SMC1A: variants seen among roughly 807,000 people sequenced by gnomAD.
The protein encoded by SMC1A is structural maintenance of chromosomes 1A, also known as structural maintenance of chromosomes protein 1A.
Under a neutral mutation model 94.5 loss-of-function variants are expected in SMC1A, and 4 were observed. The observed-to-expected ratio is 0.04, with a 90% CI of 0.02 to 0.10. The LOEUF is 0.10. Among genes scored for constraint, SMC1A ranks in the 10% least tolerant of loss-of-function variants. The pLI, the probability that SMC1A is intolerant of heterozygous loss-of-function variation, is 1.00. For synonymous variants in SMC1A, 345 were observed against 347.7 expected (o/e 0.99, Z 0.09); for missense variants, 304 against 989.0 (o/e 0.31, Z 9.29).
At chrX:53,420,526 A>G (rs1443630307) in intron 1 of SMC1A, among the ~76,000 whole-genome samples, 1 of 110,664 alleles carries the variant, frequency 9.0e-6, no homozygotes, top group Non-Finnish European at 1.9e-5. Flanking sequence ...TGTCTCAAAA[A>G]AAAAAAAAAA....
intron 1 of SMC1A, among the ~76,000 whole-genome samples, chrX:53,416,175 C>T (rs1404361092): frequency 5.7e-5 from 6 of 105,451 alleles, no homozygotes; most frequent in Non-Finnish European, 7.8e-5. Flanking sequence ...TGGTGGCGGG[C>T]GCCTGTAATC....
intron 19 of SMC1A, among the ~76,000 whole-genome samples, chrX:53,388,010 G>A (rs2075611975): frequency 9.0e-6 from 1 of 111,614 alleles, no homozygotes; most frequent in Admixed American, 9.6e-5. Context: ...TAAATGATGA[G>A]AGGAAGTCTC....
At chrX:53,408,960 A>G (rs1556890115) in intron 9 of SMC1A, 102 bp downstream of exon 9, 3 of 799,088 alleles carry the variant, frequency 3.8e-6, no homozygotes, top group East Asian at 6.4e-5. Context: ...TTCCCCCAAC[A>G]ATAAAAATGG....
intron 19 of SMC1A, among the ~76,000 whole-genome samples, chrX:53,386,084 A>C (rs1414179182): frequency 3.6e-5 from 4 of 112,080 alleles, no homozygotes; most frequent in Non-Finnish European, 5.6e-5. Flanking sequence ...TTCACCAATG[A>C]AATGTTCTTG....
intron 9 of SMC1A, among the ~76,000 whole-genome samples, chrX:53,408,756 TAGACATAGCA>T (rs1372844500): frequency 9.8e-6 from 1 of 102,349 alleles, no homozygotes; most frequent in East Asian, 3.0e-4. Flanking sequence ...CCCAGAGGCA[TAGACATAGCA>T]AGACAAAACC....
chrX:53,383,379 C>G, intron 19 of SMC1A, 126 bp from the exon 20 acceptor site: 1 of 618,268 alleles, frequency 1.6e-6, no homozygotes. Context: ...TTCTTCTTCT[C>G]CAGCTCGGTT....
intron 1 of SMC1A, among the ~76,000 whole-genome samples, chrX:53,419,681 G>A (rs1209353464): frequency 9.1e-6 from 1 of 109,491 alleles, no homozygotes; most frequent in African/African-American, 3.3e-5. Flanking sequence ...AAAACTGGCC[G>A]GGCATAGTGG....
In SMC1A at chrX:53,396,260, T is replaced by C. The variant is rs2075650964; in HGVS notation, c.2829A>G (p.Ser943=). 8.3e-7 allele frequency: 1 copy of C among 1,211,542 alleles called. No individual in the cohort carries two copies. Among genetic ancestry groups the C allele is most frequent in the African/African-American group, 1.7e-5 (1 of 57,778 alleles). ...CKMQDIKLPL[S]KGTMDDISQE... ...GACTAATATCATCCATGGTGCCTTT[T>C]GACAGTGGCAACTTAATGTCCTGCA... The change falls in exon 18 of 25, where the codon TCA becomes TCG. Residue 943 remains serine (S), a synonymous_variant. Transcript: ENST00000322213.
chrX:53,386,392 C>T (rs1316558479), intron 19 of SMC1A, among the ~76,000 whole-genome samples: 1 of 111,660 alleles, frequency 9.0e-6, no homozygotes, highest in East Asian at 2.8e-4. Context: ...CTACAAAAGA[C>T]ACTTTTAGAA....
chrX:53,390,973 C>CAAAAAAAAAAAAAAAAA (rs782771730), intron 19 of SMC1A, among the ~76,000 whole-genome samples: 2 of 34,320 alleles, frequency 5.8e-5, no homozygotes, highest in African/African-American at 1.4e-4. Flanking sequence ...GACTCCGTCT[C>CAAAAAAAAAAAAAAAAA]AAAAAAAAAA....
At chrX:53,393,190 T>C (rs186697304) in intron 19 of SMC1A, among the ~76,000 whole-genome samples, 13 of 111,121 alleles carry the variant, frequency 1.2e-4, no homozygotes, top group Non-Finnish European at 9.4e-5. Context: ...TAGATTTACC[T>C]ACCAGTTTAT....
At chrX:53,383,771 C>T (rs1262833026) in intron 19 of SMC1A, among the ~76,000 whole-genome samples, 1 of 112,556 alleles carries the variant, frequency 8.9e-6, no homozygotes, top group Non-Finnish European at 1.9e-5. Context: ...CACTTTCAGT[C>T]AATAAATATT....
chrX:53,408,520 G>A (rs1348286373), intron 9 of SMC1A, among the ~76,000 whole-genome samples: 1 of 111,755 alleles, frequency 8.9e-6, no homozygotes, highest in African/African-American at 3.3e-5. Context: ...TTGAACCCAG[G>A]TATGGGATAA....
rs782524025 is a variant in SMC1A, at chrX:53,422,631, G to A, written c.-31C>T. Reference sequence around the variant, plus strand: ...CCGCGGCGCCGGCGGCAGTAGGACAGGCCGCGCCGTACGCCCGAGAACTGA... The same window carrying A: ...CCGCGGCGCCGGCGGCAGTAGGACAAGCCGCGCCGTACGCCCGAGAACTGA... On this transcript the variant is annotated 5_prime_UTR_variant, in exon 1 of 25. Coordinates refer to ENST00000322213, the MANE Select transcript of SMC1A (RefSeq NM_006306.4). 2 of 998,371 alleles carry A rather than the reference G, an allele frequency of 2.0e-6. No homozygotes were observed. Among genetic ancestry groups the A allele is most frequent in the East Asian group, 3.1e-5 (1 of 32,685 alleles). The allele number at this position is 998,371 out of a possible 1,213,427, so 82.3% of individuals were successfully genotyped here.
At chrX:53,394,467 A>G (rs2075642788) in intron 19 of SMC1A, among the ~76,000 whole-genome samples, 1 of 111,566 alleles carries the variant, frequency 9.0e-6, no homozygotes, top group Non-Finnish European at 1.9e-5. Context: ...CACTGTACTG[A>G]AGTCTCTTCT....
chrX:53,389,727 C>CA (rs782584311), intron 19 of SMC1A, among the ~76,000 whole-genome samples: 1,637 of 94,508 alleles, frequency 0.017, 26 homozygotes, highest in African/African-American at 0.05. Context: ...GACTCTGTCT[C>CA]AAAAAAAAAA....
intron 22 of SMC1A, 137 bp downstream of exon 22, chrX:53,382,095 T>C (rs1328236476): frequency 2.3e-5 from 17 of 750,664 alleles, no homozygotes; most frequent in Non-Finnish European, 3.0e-5. Context: ...TATGCTGCAG[T>C]AGATAGTGAA....
intron 19 of SMC1A, among the ~76,000 whole-genome samples, chrX:53,392,472 C>T (rs191613629): frequency 1.7e-4 from 19 of 109,824 alleles, no homozygotes; most frequent in Admixed American, 1.6e-3. Context: ...TTTTTTGAGA[C>T]GGAGTTTTGC....
intron 15 of SMC1A, 66 bp downstream of exon 15, chrX:53,403,500 T>A: frequency 6.7e-6 from 6 of 895,419 alleles, no homozygotes; most frequent in Non-Finnish European, 9.6e-6. Flanking sequence ...AGCATCTGGT[T>A]TTCCAAGGAT....
Sources: gnomAD v4.1 joint callset for allele counts (sites outside exome capture counted in the v4.1 genomes callset) on GRCh38, gnomAD v4.1.1 for gene constraint, MANE v1.5 for transcripts, NCBI Gene and HGNC (gene_info 2026-07-23, HGNC 2026-07-21) for gene names.